GRID2: variants seen among roughly 807,000 people sequenced by gnomAD.
The protein encoded by GRID2 is glutamate receptor ionotropic, delta-2.
Under a neutral mutation model 114.8 loss-of-function variants are expected in GRID2, and 33 were observed. That is an observed-to-expected ratio of 0.29 (90% CI 0.22 to 0.38). The LOEUF (loss-of-function observed/expected upper bound fraction) is 0.38, where lower values mean the gene tolerates loss of function less well. Among genes scored for constraint, GRID2 ranks in the 10% least tolerant of loss-of-function variants. GRID2 has a pLI of 1.00. For missense variants in GRID2, 1,184 were observed against 1,257.7 expected (o/e 0.94, Z 0.89); for synonymous variants, 505 against 449.9 (o/e 1.12, Z -1.55).
intron 11 of GRID2, among the ~76,000 whole-genome samples, chr4:93,477,051 G>A (rs534308338): frequency 6.6e-5 from 10 of 152,126 alleles, no homozygotes; most frequent in Admixed American, 4.6e-4. Context: ...AGTTCTGGAG[G>A]CTGGGAAGTC....
intron 2 of GRID2, among the ~76,000 whole-genome samples, chr4:92,605,052 T>A (rs1352632049): frequency 6.6e-6 from 1 of 152,066 alleles, no homozygotes; most frequent in African/African-American, 2.4e-5. Context: ...GTGAAGAAGA[T>A]GCCTTGCTTC....
At chr4:92,956,329 A>C (rs1752409156) in intron 2 of GRID2, among the ~76,000 whole-genome samples, 1 of 152,134 alleles carries the variant, frequency 6.6e-6, no homozygotes. Context: ...TATATGCACA[A>C]TTATGGTATT....
intron 1 of GRID2, among the ~76,000 whole-genome samples, chr4:92,544,083 T>G (rs1726116679): frequency 6.6e-6 from 1 of 152,180 alleles, no homozygotes; most frequent in Non-Finnish European, 1.5e-5. Flanking sequence ...CACTGGCTTC[T>G]ACTCATGCTT....
intron 2 of GRID2, among the ~76,000 whole-genome samples, chr4:92,742,380 C>T (rs1679981166): frequency 6.6e-6 from 1 of 151,956 alleles, no homozygotes; most frequent in Admixed American, 6.6e-5. Context: ...CCCTTCTGTC[C>T]TGCCTCTCCT....
At chr4:93,726,266 G>C (rs953335861) in intron 14 of GRID2, among the ~76,000 whole-genome samples, 4 of 152,240 alleles carry the variant, frequency 2.6e-5, no homozygotes, top group East Asian at 1.9e-4. Flanking sequence ...GGTTGTTTTT[G>C]TCAGGTTTGT....
intron 2 of GRID2, among the ~76,000 whole-genome samples, chr4:93,074,046 A>C (rs1272477716): frequency 6.6e-6 from 1 of 152,342 alleles, no homozygotes; most frequent in Middle Eastern, 3.4e-3. Flanking sequence ...CTAAAACCTG[A>C]GGGAGAAAAA....
chr4:93,205,186 T>A (rs1167789838), intron 4 of GRID2, among the ~76,000 whole-genome samples: 2 of 152,116 alleles, frequency 1.3e-5, no homozygotes, highest in East Asian at 3.9e-4. Flanking sequence ...AAATTTGAAA[T>A]AAGGATTACC....
At chr4:92,510,049 A>T (rs1724167751) in intron 1 of GRID2, among the ~76,000 whole-genome samples, 1 of 151,764 alleles carries the variant, frequency 6.6e-6, no homozygotes, top group African/African-American at 2.4e-5. Context: ...TTAATAAGAG[A>T]CTGTATTGGG....
At chr4:93,539,240 T>C (rs1481211595) in intron 13 of GRID2, among the ~76,000 whole-genome samples, 1 of 151,970 alleles carries the variant, frequency 6.6e-6, no homozygotes, top group Non-Finnish European at 1.5e-5. Context: ...CCATTATAAT[T>C]GTACTCATAT....
chr4:93,334,275 C>T (rs955798481), intron 8 of GRID2, among the ~76,000 whole-genome samples: 9 of 152,030 alleles, frequency 5.9e-5, no homozygotes, highest in African/African-American at 1.9e-4. Flanking sequence ...TTATTAATGC[C>T]CTTGTAGACA....
chr4:93,724,846 C>T (rs1407821289), intron 14 of GRID2, among the ~76,000 whole-genome samples: 1 of 152,132 alleles, frequency 6.6e-6, no homozygotes, highest in Non-Finnish European at 1.5e-5. Flanking sequence ...GCGGCATGAT[C>T]TCAGCTCACT....
intron 4 of GRID2, among the ~76,000 whole-genome samples, chr4:93,187,806 GA>G (rs1183581782): frequency 6.6e-6 from 1 of 151,980 alleles, no homozygotes; most frequent in Non-Finnish European, 1.5e-5. Context: ...AAATAGAAAG[GA>G]AAAAAAGTGG....
intron 1 of GRID2, among the ~76,000 whole-genome samples, chr4:92,471,894 G>C (rs1354155102): frequency 6.6e-5 from 10 of 150,864 alleles, no homozygotes; most frequent in African/African-American, 2.4e-4. Flanking sequence ...TTCTTTAACG[G>C]AGCATACTTA....
intron 14 of GRID2, among the ~76,000 whole-genome samples, chr4:93,765,322 G>A (rs1167090691): frequency 6.6e-6 from 1 of 152,020 alleles, no homozygotes; most frequent in African/African-American, 2.4e-5. Context: ...GGAATCTGTT[G>A]TCAGGGGTGA....
chr4:93,087,970 C>T (rs1050513929), intron 3 of GRID2, among the ~76,000 whole-genome samples: 3 of 152,026 alleles, frequency 2.0e-5, no homozygotes, highest in Non-Finnish European at 4.4e-5. Flanking sequence ...TGAAGAATTG[C>T]TTTCATTAAG....
intron 14 of GRID2, among the ~76,000 whole-genome samples, chr4:93,627,431 A>G (rs1220193630): frequency 6.6e-6 from 1 of 152,228 alleles, no homozygotes; most frequent in Non-Finnish European, 1.5e-5. Flanking sequence ...CTCTTCCATT[A>G]GCAAACCATA....
At chr4:92,468,039 C>G (rs1721842778) in intron 1 of GRID2, among the ~76,000 whole-genome samples, 1 of 147,680 alleles carries the variant, frequency 6.8e-6, no homozygotes, top group Non-Finnish European at 1.5e-5. Flanking sequence ...AAGAGTTTGT[C>G]ATGAACCTAG....
chr4:93,265,744 G>C (rs973663475), intron 8 of GRID2, among the ~76,000 whole-genome samples: 2 of 152,138 alleles, frequency 1.3e-5, no homozygotes, highest in African/African-American at 4.8e-5. Context: ...GTGGTGGTGA[G>C]TCCACTGAAG....
intron 2 of GRID2, among the ~76,000 whole-genome samples, chr4:92,657,648 C>T (rs935087264): frequency 6.7e-6 from 1 of 148,522 alleles, no homozygotes; most frequent in African/African-American, 2.5e-5. Context: ...AAACAAAAAG[C>T]AAAAAACAAA....
Sources: allele counts gnomAD v4.1 joint callset (sites outside exome capture counted in the v4.1 genomes callset), GRCh38; gene constraint gnomAD v4.1.1; transcripts MANE v1.5; gene names NCBI Gene and HGNC (gene_info 2026-07-23, HGNC 2026-07-21).